Variants in STIL observed in about 807,000 individuals in gnomAD.
STIL encodes the protein SCL-interrupting locus protein.
STIL carries 55 observed loss-of-function variants against 110.1 expected under a neutral mutation model. That is an observed-to-expected ratio of 0.50 (90% CI 0.40 to 0.63). The LOEUF (loss-of-function observed/expected upper bound fraction) is 0.63. STIL is among the 20% of genes least tolerant of loss of function. The pLI, the probability that STIL is intolerant of heterozygous loss-of-function variation, is 0.00. For missense variants in STIL, 1,358 were observed against 1,530.0 expected (o/e 0.89, Z 1.87); for synonymous variants, 481 against 530.0 (o/e 0.91, Z 1.27).
At chr1:47,255,761 A>G (rs1644311802) in intron 16 of STIL, among the ~76,000 whole-genome samples, 1 of 152,118 alleles carries the variant, frequency 6.6e-6, no homozygotes, top group Non-Finnish European at 1.5e-5. Flanking sequence ...CAGACCTCGA[A>G]CCCACAATCT....
intron 2 of STIL, among the ~76,000 whole-genome samples, chr1:47,309,482 T>C (rs183682298): frequency 4.8e-4 from 73 of 151,806 alleles, no homozygotes; most frequent in African/African-American, 1.5e-3. Context: ...AGGGCCAAAA[T>C]TAAAGCAAAA....
Position 47,262,912 on chromosome 1 carries a change from C to G in STIL, c.2820G>C (p.Gln940His), listed in dbSNP as rs759725804. 1 of 1,613,802 alleles carries G rather than the reference C, an allele frequency of 6.2e-7. No homozygotes were observed. Among genetic ancestry groups the G allele is most frequent in the African/African-American group, 1.3e-5 (1 of 74,966 alleles). ...CTCTACATTTTCTTACCAATAAATC[C>G]TGGTAAATTTTCTGGTTATCTGATG... ...HQPSDNQKIY[Q>H]DLLGQVNHLL... is the part of the protein sequence containing the mutation. Residue 940 changes from glutamine (Q) to histidine (H), a missense_variant, in exon 15 of 17, where the codon CAG (glutamine) becomes CAC (histidine). Physicochemically the swap from Gln to His is conservative, Grantham distance 24 (BLOSUM62 0). Coordinates refer to ENST00000371877, the MANE Select transcript of STIL (RefSeq NM_001048166.1).
At chr1:47,314,729 AT>A (rs34330805), upstream of STIL, among the ~76,000 whole-genome samples, 73,314 of 145,736 alleles carry the variant, frequency 0.5, 18,242 homozygotes, top group African/African-American at 0.59. Context: ...TAGTGACATA[AT>A]TTTTTTTTTT....
At chr1:47,273,267 T>G (rs1644892658) in intron 12 of STIL, among the ~76,000 whole-genome samples, 1 of 152,224 alleles carries the variant, frequency 6.6e-6, no homozygotes, top group Non-Finnish European at 1.5e-5. Flanking sequence ...CAGTGGTTTT[T>G]GGTATACTCA....
At chr1:47,299,475 C>T (rs1645739416) in intron 6 of STIL, among the ~76,000 whole-genome samples, 2 of 151,444 alleles carry the variant, frequency 1.3e-5, no homozygotes, top group Admixed American at 1.3e-4. Context: ...TCATTGCAAC[C>T]TCCACCTCCC....
At chr1:47,310,159 G>C (rs1646080353) in intron 2 of STIL, 117 bp downstream of exon 2, 1 of 933,452 alleles carries the variant, frequency 1.1e-6, no homozygotes, top group Non-Finnish European at 1.6e-6. Flanking sequence ...GGTAGAGCTA[G>C]GATATGAACC....
At chr1:47,258,432 C>T (rs116012995) in intron 16 of STIL, among the ~76,000 whole-genome samples, 1 of 152,180 alleles carries the variant, frequency 6.6e-6, no homozygotes, top group African/African-American at 2.4e-5. Context: ...CCTAAAGGTC[C>T]ATTAATAGAG....
Position 47,302,283 on chromosome 1 carries a change from A to T in STIL, c.216T>A (p.Asn72Lys), listed in dbSNP as rs772217581. ...IRLAYRHAKQ[N>K]KKNSSCFLLG... ...GTAAAAAGCATGACGAATTTTTTTT[A>T]TTCTGCTTAGCATGACGATAAGCAA... The change falls in exon 4 of 17, where the codon AAT (asparagine) becomes AAA (lysine). Residue 72 changes from asparagine (N) to lysine (K), a missense_variant. By Grantham distance (94) the Asn-to-Lys change is moderately conservative (BLOSUM62 0). Coordinates refer to ENST00000371877, the MANE Select transcript of STIL (RefSeq NM_001048166.1). 1 of 1,614,106 alleles carries T rather than the reference A, an allele frequency of 6.2e-7. No individual in the cohort carries two copies. The highest frequency in any genetic ancestry group is 2.2e-5 in the East Asian group (1 of 44,876).
chr1:47,305,725 CTTTTTTT>C (rs71572652), intron 2 of STIL, among the ~76,000 whole-genome samples: 12 of 43,432 alleles, frequency 2.8e-4, no homozygotes, highest in Non-Finnish European at 4.5e-4. Context: ...CACGCCTGGC[CTTTTTTT>C]TTTTTTTTTT....
At chr1:47,281,274 C>T in intron 11 of STIL, 65 bp from the exon 12 acceptor site, 1 of 1,476,302 alleles carries the variant, frequency 6.8e-7, no homozygotes, top group Non-Finnish European at 9.1e-7. Flanking sequence ...CTTTACTTTC[C>T]TCAGACCAGT....
In STIL at chr1:47,301,574, C is replaced by T. The variant is rs763148843; in HGVS notation, c.440G>A (p.Ser147Asn). Residue 147 changes from serine (S) to asparagine (N), a missense_variant, in exon 5 of 17, where the codon AGT (serine) becomes AAT (asparagine). Transcript: ENST00000371877. ...AATGAATCGCACCTTTAAAGCTGAA[C>T]TGAAGTCATCTACACTGTGAACTAT... is the stretch of plus-strand genomic sequence containing the variant. The part of the protein sequence containing the change: ...EMIVHSVDDF[S>N]SALKALQCHI... 1.7e-5 allele frequency: 27 copies of T among 1,613,574 alleles called. No individual in the cohort carries two copies. Among genetic ancestry groups the T allele is most frequent in the Non-Finnish European group, 2.0e-5 (24 of 1,179,982 alleles).
chr1:47,288,892 C>CAAAAAAAAAAAA (rs138649605), intron 9 of STIL, among the ~76,000 whole-genome samples: 1 of 94,760 alleles, frequency 1.1e-5, no homozygotes, highest in East Asian at 2.9e-4. Flanking sequence ...AATGAAAATA[C>CAAAAAAAAAAAA]AAAAAAAAAA....
chr1:47,253,966 G>C (rs1339876570), intron 16 of STIL, among the ~76,000 whole-genome samples: 1 of 151,930 alleles, frequency 6.6e-6, no homozygotes, highest in Non-Finnish European at 1.5e-5. Flanking sequence ...ATCACCTGAG[G>C]TCAGGAGTTT....
rs1050387476 is a variant in STIL at position 47,301,676 on chromosome 1, G to A, written c.338C>T (p.Thr113Ile). 1 of 1,613,866 alleles carries A rather than the reference G, an allele frequency of 6.2e-7. No homozygotes were observed. The highest frequency in any genetic ancestry group is 1.3e-5 in the African/African-American group (1 of 74,892). The part of the protein sequence containing the change: ...GREVPECLEI[T>I]PTASLPGDFL... ...GTCCCCAGGAAGAGAAGCAGTAGGG[G>A]TTATTTCTAGGCATTCAGGTACTTC... Residue 113 changes from threonine to isoleucine, a missense_variant, in exon 5 of 17, where the codon ACC (threonine) becomes ATC (isoleucine). Physicochemically the swap from Thr to Ile is moderately conservative, Grantham distance 89. Transcript: ENST00000371877.
intron 6 of STIL, among the ~76,000 whole-genome samples, chr1:47,298,551 T>C (rs1330860544): frequency 6.6e-6 from 1 of 152,082 alleles, no homozygotes; most frequent in African/African-American, 2.4e-5. Flanking sequence ...GCAATGCTCA[T>C]TATTCACAGT....
chr1:47,260,558 ATTT>A lies in STIL; in HGVS notation c.2830-22_2830-20del, dbSNP rs766314697. On this transcript the variant is annotated intron_variant, in intron 15 of 16. Transcript: ENST00000371877. Reference sequence around the variant, plus strand: ...CTTGACCCTGACAAAAAGAAAAAAAATTTTTTTGAAAAATCACTATTAACAATG... The same window carrying A: ...CTTGACCCTGACAAAAAGAAAAAAAATTTTGAAAAATCACTATTAACAATG... 1.2e-6 allele frequency: 2 copies of A among 1,613,510 alleles called. No individual in the cohort carries two copies. The highest frequency in any genetic ancestry group is 1.7e-6 in the Non-Finnish European group (2 of 1,179,528).
rs777400003 is a variant in STIL at position 47,251,239 on chromosome 1, T to A, written c.3764A>T (p.Glu1255Val). ...ENEGDITIFPESLQPSETLKQ... is the reference protein window; with the variant it reads ...ENEGDITIFPVSLQPSETLKQ... ...TAGCGTTTCAGAAGGTTGCAAACTT[T>A]CAGGAAAAATTGTAATGTCCCCTTC... The change falls in exon 17 of 17, where the codon GAA becomes GTA. Residue 1255 changes from glutamate (E) to valine (V), a missense_variant. Physicochemically the swap from Glu to Val is moderately radical, Grantham distance 121 (BLOSUM62 -2). Transcript: ENST00000371877. 2 of 1,611,274 alleles carry A rather than the reference T, an allele frequency of 1.2e-6. No individual in the cohort carries two copies. The highest frequency in any genetic ancestry group is 1.7e-6 in the Non-Finnish European group (2 of 1,178,400).
chr1:47,296,714 G>A (rs531837643), intron 6 of STIL, among the ~76,000 whole-genome samples: 1 of 152,244 alleles, frequency 6.6e-6, no homozygotes, highest in Admixed American at 6.5e-5. Flanking sequence ...GGAGGCTGAG[G>A]CAGGAGAATG....
intron 2 of STIL, among the ~76,000 whole-genome samples, chr1:47,307,707 T>G (rs927203504): frequency 5.3e-5 from 8 of 152,232 alleles, no homozygotes; most frequent in Non-Finnish European, 1.2e-4. Context: ...ATAAGAGAGA[T>G]AACCTTAAAC....
Sources: gnomAD v4.1 joint callset for allele counts (sites outside exome capture counted in the v4.1 genomes callset) on GRCh38, gnomAD v4.1.1 for gene constraint, MANE v1.5 for transcripts, NCBI Gene and HGNC (gene_info 2026-07-23, HGNC 2026-07-21) for gene names.